Variants in TNKS observed in about 807,000 individuals in gnomAD.
TNKS encodes the protein poly [ADP-ribose] polymerase tankyrase-1.
In TNKS, 72 loss-of-function variants were observed where a neutral mutation model predicts 135.8. The ratio of observed to expected loss-of-function variants is 0.53; its 90% CI spans 0.44 to 0.64. The LOEUF is 0.64. Among genes scored for constraint, TNKS ranks in the 30% least tolerant of loss-of-function variants. TNKS has a pLI of 0.00. For missense variants in TNKS, 1,769 were observed against 1,674.0 expected, an observed-to-expected ratio of 1.06 and a Z score of -0.99; for synonymous variants, 849 against 649.3, an observed-to-expected ratio of 1.31 and a Z score of -4.68.
chr8:9,717,222 T>G (rs6998785), intron 11 of TNKS, among the ~76,000 whole-genome samples: 1 of 150,468 alleles, frequency 6.6e-6, no homozygotes, highest in South Asian at 2.1e-4. Context: ...CACAACACAT[T>G]AAAGGATTAA....
intron 15 of TNKS, 46 bp downstream of exon 15, chr8:9,733,490 T>A: frequency 6.5e-7 from 1 of 1,526,804 alleles, no homozygotes; most frequent in Non-Finnish European, 8.9e-7. Context: ...TTTATTTATA[T>A]TTTGGTTATT....
In TNKS at chr8:9,720,434, C is replaced by T. The variant is rs1291186086; in HGVS notation, c.1810C>T (p.Leu604=). The part of the protein sequence containing the change: ...ALHRAALAGH[L]QTCRLLLSYG... ...GCATAGAGCCGCCCTAGCAGGTCAC[C>T]TGCAGACCTGCCGCCTCCTGCTGAG... The change falls in exon 12 of 27, where the codon CTG becomes TTG. Residue 604 remains leucine (L), a synonymous_variant. Transcript: ENST00000310430. 6.2e-7 allele frequency: 1 copy of T among 1,614,156 alleles called. No individual in the cohort carries two copies. Among genetic ancestry groups the T allele is most frequent in the Admixed American group, 1.7e-5 (1 of 60,034 alleles).
At chr8:9,607,712 A>G (rs1354585129) in intron 2 of TNKS, among the ~76,000 whole-genome samples, 1 of 152,180 alleles carries the variant, frequency 6.6e-6, no homozygotes, top group Admixed American at 6.5e-5. Context: ...TTTTATATCC[A>G]TGTCAGCAGA....
chr8:9,746,946 A>G (rs988004692), intron 17 of TNKS, among the ~76,000 whole-genome samples: 10 of 137,406 alleles, frequency 7.3e-5, no homozygotes, highest in African/African-American at 1.1e-4. Flanking sequence ...GCGGTGGTGC[A>G]ATCTCAGCTG....
intron 2 of TNKS, among the ~76,000 whole-genome samples, chr8:9,595,142 G>A (rs908261906): frequency 1.3e-5 from 2 of 148,920 alleles, no homozygotes; most frequent in Non-Finnish European, 3.0e-5. Flanking sequence ...TTTTTTTTGA[G>A]ACGGAGTCTT....
chr8:9,760,013 C>T (rs1310731941), intron 20 of TNKS, among the ~76,000 whole-genome samples: 1 of 151,628 alleles, frequency 6.6e-6, no homozygotes, highest in Non-Finnish European at 1.5e-5. Flanking sequence ...AAAGTAAAGT[C>T]TGAGAATTCT....
chr8:9,641,240 A>G (rs1338559723), intron 3 of TNKS, among the ~76,000 whole-genome samples: 1 of 145,016 alleles, frequency 6.9e-6, no homozygotes, highest in African/African-American at 2.6e-5. Flanking sequence ...TAGGAGTTGA[A>G]TGTGTTGTTA....
At chr8:9,747,394 G>C (rs1806295758) in intron 17 of TNKS, among the ~76,000 whole-genome samples, 1 of 151,326 alleles carries the variant, frequency 6.6e-6, no homozygotes, top group African/African-American at 2.4e-5. Flanking sequence ...TTCTGTAACT[G>C]TCAATGGTTC....
At chr8:9,688,276 A>T (rs548270115) in intron 5 of TNKS, among the ~76,000 whole-genome samples, 2 of 152,266 alleles carry the variant, frequency 1.3e-5, no homozygotes, top group East Asian at 3.9e-4. Flanking sequence ...TATATTGTGT[A>T]AAAAAAGGCT....
In TNKS at chr8:9,622,183, T is replaced by G. The variant is rs891226514; in HGVS notation, c.994+6506T>G. On this transcript the variant is annotated intron_variant, in intron 3 of 26. Transcript: ENST00000310430. ...CACACCTTTTAAAAAAGATTATATC[T>G]GACGTAAGAGATTAATTTCAATTTT... 1.8e-4 allele frequency among the ~76,000 whole-genome samples: 27 copies of G among 152,208 alleles called. 1 individual carries two copies. The highest frequency in any genetic ancestry group is 2.0e-4 in the Admixed American group (3 of 15,282).
At chr8:9,593,487 T>C (rs1398962614) in intron 2 of TNKS, among the ~76,000 whole-genome samples, 1 of 152,232 alleles carries the variant, frequency 6.6e-6, no homozygotes. Flanking sequence ...TTTTAAATTA[T>C]TTTTAGCTTA....
chr8:9,661,396 A>G (rs1372046075), intron 3 of TNKS, among the ~76,000 whole-genome samples: 2 of 152,208 alleles, frequency 1.3e-5, no homozygotes, highest in Non-Finnish European at 1.5e-5. Context: ...ATAGAGACCA[A>G]TGGAACAGAA....
At chr8:9,651,503 C>G (rs981894599) in intron 3 of TNKS, among the ~76,000 whole-genome samples, 3 of 152,126 alleles carry the variant, frequency 2.0e-5, no homozygotes, top group African/African-American at 7.2e-5. Flanking sequence ...TAGAGGAGGA[C>G]TTAGAAGGGG....
chr8:9,579,768 C>G (rs1464401659), intron 1 of TNKS, among the ~76,000 whole-genome samples: 1 of 152,156 alleles, frequency 6.6e-6, no homozygotes, highest in Non-Finnish European at 1.5e-5. Context: ...CCCGGCTTAT[C>G]AGCAGTATTT....
chr8:9,660,557 C>G (rs562234063), intron 3 of TNKS, among the ~76,000 whole-genome samples: 2 of 152,164 alleles, frequency 1.3e-5, no homozygotes, highest in African/African-American at 4.8e-5. Context: ...TAAAAACTCT[C>G]ATTAAATTAG....
In TNKS at chr8:9,689,446, T is replaced by A. The variant is rs972336968; in HGVS notation, c.1107+8646T>A. On this transcript the variant is annotated intron_variant, in intron 5 of 26. Transcript: ENST00000310430. ...TATTTGGATAACTAAACTGGTAAAT[T>A]TGGAAACAGACCAATTCTAAATATA... Among the ~76,000 whole-genome samples the A allele has an allele frequency of 5.1e-4, 77 of 152,272 alleles. 1 individual carries two copies. The highest frequency in any genetic ancestry group is 1.7e-3 in the African/African-American group (71 of 41,548).
At chr8:9,763,889 C>A (rs1382676517) in intron 22 of TNKS, among the ~76,000 whole-genome samples, 1 of 152,070 alleles carries the variant, frequency 6.6e-6, no homozygotes, top group Non-Finnish European at 1.5e-5. Context: ...ATGCCTAATT[C>A]TTGTTTGTTT....
chr8:9,664,122 G>A (rs985541781), intron 3 of TNKS, among the ~76,000 whole-genome samples: 2 of 152,170 alleles, frequency 1.3e-5, no homozygotes, highest in African/African-American at 4.8e-5. Flanking sequence ...CCTCGAGGCT[G>A]GGTAATTTAT....
intron 7 of TNKS, 110 bp from the exon 8 acceptor site, chr8:9,706,701 C>CT: frequency 9.7e-7 from 1 of 1,031,332 alleles, no homozygotes; most frequent in Non-Finnish European, 1.4e-6. Context: ...AATTAAAACA[C>CT]TTATTTGAAC....
Sources: gnomAD v4.1 joint callset for allele counts (sites outside exome capture counted in the v4.1 genomes callset) on GRCh38, gnomAD v4.1.1 for gene constraint, MANE v1.5 for transcripts, NCBI Gene and HGNC (gene_info 2026-07-23, HGNC 2026-07-21) for gene names.